PPP4R1: variants seen among roughly 807,000 people sequenced by gnomAD.
The protein encoded by PPP4R1 is protein phosphatase 4 regulatory subunit 1.
In PPP4R1, 42 loss-of-function variants were observed where a neutral mutation model predicts 111.2. The ratio of observed to expected loss-of-function variants is 0.38; its 90% CI spans 0.29 to 0.49. PPP4R1 has a LOEUF of 0.49. Among genes scored for constraint, PPP4R1 ranks in the 20% least tolerant of loss-of-function variants. PPP4R1 has a pLI of 0.97. For synonymous variants in PPP4R1, 409 were observed against 405.5 expected, an observed-to-expected ratio of 1.01 and a Z score of -0.10; for missense variants, 1,012 against 1,161.6, an observed-to-expected ratio of 0.87 and a Z score of 1.87.
chr18:9,615,593 C>A (rs1377350560), upstream of PPP4R1, among the ~76,000 whole-genome samples: 1 of 152,164 alleles, frequency 6.6e-6, no homozygotes, highest in Non-Finnish European at 1.5e-5. Context: ...CAAAATGGGG[C>A]TAAACCCAGG....
At chr18:9,580,332 T>C (rs890091510) in intron 9 of PPP4R1, among the ~76,000 whole-genome samples, 3 of 146,330 alleles carry the variant, frequency 2.1e-5, no homozygotes, top group Non-Finnish European at 4.5e-5. Context: ...GTATACATCA[T>C]AAAAAAGCTG....
chr18:9,589,056 C>G (rs887769137), intron 4 of PPP4R1, among the ~76,000 whole-genome samples: 1 of 152,156 alleles, frequency 6.6e-6, no homozygotes, highest in African/African-American at 2.4e-5. Context: ...TATCTTCAAT[C>G]CAAGCTTCTG....
intron 2 of PPP4R1, among the ~76,000 whole-genome samples, chr18:9,610,206 C>G (rs1170400810): frequency 2.0e-5 from 3 of 152,170 alleles, no homozygotes; most frequent in Non-Finnish European, 4.4e-5. Context: ...AAAATTGCAT[C>G]TTTGGAAACT....
upstream of PPP4R1, chr18:9,615,328 GT>G (rs1312194075): frequency 2.0e-5 from 3 of 152,292 alleles, no homozygotes; most frequent in African/African-American, 7.2e-5. Context: ...GATTCAGCCA[GT>G]TAATTGGTAG....
rs1472515630 is a variant in PPP4R1, at chr18:9,598,151, G to T, written c.53-2998C>A. Among the ~76,000 whole-genome samples, 3 of 152,188 alleles carry T rather than the reference G, an allele frequency of 2.0e-5. No homozygotes were observed. In the East Asian group the frequency reaches 5.8e-4, roughly 29 times the overall value. On this transcript the variant is annotated intron_variant, in intron 2 of 19. Transcript: ENST00000400556. The stretch of plus-strand genomic sequence containing the variant: ...CTAAATGAAACAGAAAAAATATGGG[G>T]GAGGAAGAGAATTAAGCATCAATCA...
intron 9 of PPP4R1, among the ~76,000 whole-genome samples, chr18:9,581,222 CTGAT>C (rs2067024263): frequency 6.6e-6 from 1 of 150,470 alleles, no homozygotes. Flanking sequence ...GCAACAGAAA[CTGAT>C]TGTGAGAGCA....
At chr18:9,555,807 C>T (rs536410952) in intron 15 of PPP4R1, among the ~76,000 whole-genome samples, 87 of 152,070 alleles carry the variant, frequency 5.7e-4, no homozygotes, top group South Asian at 4.2e-3. Flanking sequence ...CAAAATTGAG[C>T]GGAGAAAAAC....
chr18:9,588,625 T>C, intron 5 of PPP4R1, 86 bp downstream of exon 5: 1 of 1,315,926 alleles, frequency 7.6e-7, no homozygotes, highest in African/African-American at 1.5e-5. Flanking sequence ...CAGTAAAACA[T>C]TCCAAAGAGA....
At chr18:9,555,466 TC>T (rs1478839555) in intron 15 of PPP4R1, among the ~76,000 whole-genome samples, 6 of 152,180 alleles carry the variant, frequency 3.9e-5, no homozygotes, top group African/African-American at 1.4e-4. Flanking sequence ...TATTCAGAGT[TC>T]TAAAGTATCA....
intron 15 of PPP4R1, among the ~76,000 whole-genome samples, chr18:9,554,349 G>A (rs1365061608): frequency 2.6e-5 from 4 of 151,908 alleles, no homozygotes; most frequent in African/African-American, 7.3e-5. Flanking sequence ...GGATGGTCTC[G>A]ATCTCCTGAC....
intron 9 of PPP4R1, among the ~76,000 whole-genome samples, chr18:9,580,632 G>A (rs1051585184): frequency 2.0e-5 from 3 of 152,084 alleles, no homozygotes; most frequent in Non-Finnish European, 4.4e-5. Flanking sequence ...TTACAGGTGC[G>A]AGCCACCGCG....
At chr18:9,563,069 T>A in intron 12 of PPP4R1, 1 of 1,048,114 alleles carries the variant, frequency 9.5e-7, no homozygotes, top group Non-Finnish European at 1.1e-6. Context: ...AAGGGAAGAG[T>A]TAATTATTCT....
intron 15 of PPP4R1, among the ~76,000 whole-genome samples, chr18:9,554,727 C>T (rs1014490993): frequency 6.6e-6 from 1 of 152,184 alleles, no homozygotes; most frequent in African/African-American, 2.4e-5. Context: ...ACCACAGTTC[C>T]TTGGAGAAAT....
chr18:9,616,059 C>G (rs2067684676), upstream of PPP4R1, among the ~76,000 whole-genome samples: 1 of 152,106 alleles, frequency 6.6e-6, no homozygotes, highest in Non-Finnish European at 1.5e-5. Flanking sequence ...CCTTTCTCTT[C>G]CTCCCTTGGT....
At chr18:9,596,125 A>C (rs1338322972) in intron 2 of PPP4R1, among the ~76,000 whole-genome samples, 1 of 152,226 alleles carries the variant, frequency 6.6e-6, no homozygotes, top group Non-Finnish European at 1.5e-5. Context: ...ATTCAAGCAA[A>C]ATAAAGATTA....
intron 2 of PPP4R1, among the ~76,000 whole-genome samples, chr18:9,605,566 C>CAAAAAAAAAA (rs34208690): frequency 1.5e-5 from 1 of 67,636 alleles, no homozygotes; most frequent in Non-Finnish European, 2.8e-5. Flanking sequence ...GCAGTCCTGT[C>CAAAAAAAAAA]AAAAAAAAAA....
At chr18:9,607,823 C>T (rs1195588618) in intron 2 of PPP4R1, among the ~76,000 whole-genome samples, 2 of 145,338 alleles carry the variant, frequency 1.4e-5, no homozygotes, top group African/African-American at 5.1e-5. Context: ...TCGCTCGTTG[C>T]CCAGGCTGGA....
chr18:9,599,394 G>A (rs1371585376), intron 2 of PPP4R1, among the ~76,000 whole-genome samples: 1 of 152,076 alleles, frequency 6.6e-6, no homozygotes, highest in African/African-American at 2.4e-5. Context: ...CACCACCTAA[G>A]TAATCTAAAA....
At chr18:9,584,666 A>G in intron 7 of PPP4R1, 55 bp downstream of exon 7, 1 of 1,604,138 alleles carries the variant, frequency 6.2e-7, no homozygotes, top group East Asian at 2.2e-5. Context: ...GTATCAGTAC[A>G]TTAACCACTA....
Sources: allele counts gnomAD v4.1 joint callset (sites outside exome capture counted in the v4.1 genomes callset), GRCh38; gene constraint gnomAD v4.1.1; transcripts MANE v1.5; gene names NCBI Gene and HGNC (gene_info 2026-07-23, HGNC 2026-07-21).